The following TCOF1 variants were observed in gnomAD, a reference collection of about 807,000 sequenced individuals.
TCOF1 encodes treacle ribosome biogenesis factor 1, also known as treacle protein.
TCOF1 carries 33 observed loss-of-function variants against 149.0 expected under a neutral mutation model. That is an observed-to-expected ratio of 0.22 (90% CI 0.17 to 0.30). The LOEUF is 0.30. Ranked by LOEUF, TCOF1 falls within the 10% of genes least tolerant of loss-of-function variation. The probability of loss-of-function intolerance (pLI) is 1.00; values close to 1 mark genes in which losing one functional copy is unlikely to be tolerated. For synonymous variants in TCOF1, 789 were observed against 738.8 expected, an observed-to-expected ratio of 1.07 and a Z score of -1.10; for missense variants, 1,728 against 1,840.7, an observed-to-expected ratio of 0.94 and a Z score of 1.12.
Position 150,397,528 on chromosome 5 carries a change from T to C in TCOF1, c.4345+686T>C, listed in dbSNP as rs1768831509. ...AAATGAGACTCAGCAGGTAGAAAAC[T>C]GCGGCTCGGGCTCGGAGAAGTAGAG... On this transcript the variant is annotated intron_variant, in intron 24 of 26. Transcript: ENST00000643257. Among the ~76,000 whole-genome samples, 3 of 152,158 alleles carry C rather than the reference T, an allele frequency of 2.0e-5. 1 individual carries two copies. The South Asian group carries it at 6.2e-4, about 32-fold the overall frequency.
chr5:150,361,083 G>C, intron 1 of TCOF1, 73 bp from the exon 2 acceptor site: 1 of 1,597,860 alleles, frequency 6.3e-7, no homozygotes. Context: ...CATGAGTTTG[G>C]GGAGATCTGG....
At chr5:150,383,817 A>C (rs992446966) in intron 17 of TCOF1, 23 of 1,551,476 alleles carry the variant, frequency 1.5e-5, no homozygotes, top group Admixed American at 2.0e-5. Context: ...CATGTGCTCC[A>C]CTGCACCCAG....
Position 150,376,225 on chromosome 5 carries a change from C to T in TCOF1, c.2037C>T (p.Ser679=). 1 of 1,614,242 alleles carries T rather than the reference C, an allele frequency of 6.2e-7. No homozygotes were observed. The highest frequency in any genetic ancestry group is 1.6e-4 in the Middle Eastern group (1 of 6,062). Residue 679 remains serine, a synonymous_variant, in exon 13 of 27, where the codon TCC becomes TCT. Coordinates refer to ENST00000643257, the MANE Select transcript of TCOF1 (RefSeq NM_001371623.1). ...AGTATSPAGS[S]PAVAGGTQRP... The stretch of plus-strand genomic sequence containing the variant: ...CTGCGACTTCTCCAGCAGGCTCATC[C>T]CCAGCTGTGGCTGGGGGCACCCAGA...
Position 150,376,475 on chromosome 5 carries a change from A to G in TCOF1, c.2195A>G (p.Lys732Arg). ...GTGAAAGCAGCCTCAGTGCCTGTCA[A>G]GGGGTCCTTGGGGCAAGGGACTGCT... ...LQVKAASVPV[K>R]GSLGQGTAPV... The change falls in exon 14 of 27, where the codon AAG (lysine) becomes AGG (arginine). Residue 732 changes from lysine (K) to arginine (R), a missense_variant. By Grantham distance (26) the Lys-to-Arg change is conservative. Transcript: ENST00000643257. 1 of 1,614,178 alleles carries G rather than the reference A, an allele frequency of 6.2e-7. No homozygotes were observed. The highest frequency in any genetic ancestry group is 2.2e-5 in the East Asian group (1 of 44,878).
chr5:150,378,776 G>A, intron 14 of TCOF1, 129 bp from the exon 15 acceptor site: 1 of 1,349,186 alleles, frequency 7.4e-7, no homozygotes, highest in Non-Finnish European at 1.1e-6. Context: ...GATGAGCTCA[G>A]GTTCACACGC....
intron 17 of TCOF1, among the ~76,000 whole-genome samples, chr5:150,386,645 CTT>C (rs1038373100): frequency 1.2e-4 from 19 of 152,254 alleles, no homozygotes; most frequent in African/African-American, 4.3e-4. Context: ...CCACTCCTCT[CTT>C]AGCCTCAGGC....
chr5:150,375,809 A>G lies in TCOF1; in HGVS notation c.1793A>G (p.Gln598Arg). The G allele has an allele frequency of 6.2e-7, 1 of 1,614,188 alleles. No homozygotes were observed. Among genetic ancestry groups the G allele is most frequent in the Admixed American group, 1.7e-5 (1 of 60,028 alleles). ...PPQKAGPVAV[Q>R]VKAEKPMDNS... is the part of the protein sequence containing the mutation. ...CAGAAGGCAGGGCCTGTAGCCGTCC[A>G]GGTCAAGGCTGAAAAGCCCATGGAC... Residue 598 changes from glutamine to arginine, a missense_variant, in exon 12 of 27, where the codon CAG (glutamine) becomes CGG (arginine). By Grantham distance (43) the Gln-to-Arg change is conservative (BLOSUM62 1). This residue lies in a region of TCOF1 where 1,696 missense variants were observed against 1,765.4 expected (regional missense o/e 0.96). Coordinates refer to ENST00000643257, the MANE Select transcript of TCOF1 (RefSeq NM_001371623.1).
chr5:150,364,343 G>C, intron 3 of TCOF1, 91 bp downstream of exon 3: 9 of 1,572,236 alleles, frequency 5.7e-6, no homozygotes, highest in Non-Finnish European at 7.8e-6. Context: ...ATCACTAGAA[G>C]ACCTAAAAGA....
chr5:150,379,142 C>A, intron 15 of TCOF1, 87 bp from the exon 16 acceptor site: 1 of 1,613,866 alleles, frequency 6.2e-7, no homozygotes, highest in Non-Finnish European at 8.5e-7. Flanking sequence ...ATGGGCAGGC[C>A]ACCCACCCAG....
At chr5:150,390,152 C>A in intron 19 of TCOF1, 129 bp downstream of exon 19, 1 of 1,424,580 alleles carries the variant, frequency 7.0e-7, no homozygotes. Context: ...CGTGGCCTCA[C>A]AGCCAGAGGC....
Position 150,389,924 on chromosome 5 carries a change from C to T in TCOF1, c.3084C>T (p.His1028=), listed in dbSNP as rs2151010757. The T allele has an allele frequency of 1.2e-6, 2 of 1,614,236 alleles. No homozygotes were observed. The highest frequency in any genetic ancestry group is 1.1e-5 in the South Asian group (1 of 91,086). ...ATGTGGTGACCATGCCCACTGCCCA[C>T]CCAAGAATAGCCCCCAAAGCCAGCA... is the stretch of plus-strand genomic sequence containing the variant. ...RTNVVTMPTA[H]PRIAPKASMA... Residue 1028 remains histidine, a synonymous_variant, in exon 19 of 27, where the codon CAC becomes CAT. Coordinates refer to ENST00000643257, the MANE Select transcript of TCOF1 (RefSeq NM_001371623.1).
intron 5 of TCOF1, 109 bp downstream of exon 5, chr5:150,369,011 C>T: frequency 7.3e-7 from 1 of 1,364,590 alleles, no homozygotes; most frequent in South Asian, 1.2e-5. Flanking sequence ...AAGTTTGTCT[C>T]CAGGACAGCC....
intron 7 of TCOF1, among the ~76,000 whole-genome samples, 175 bp from the exon 8 acceptor site, chr5:150,373,999 C>G (rs1415518711): frequency 6.6e-6 from 1 of 151,930 alleles, no homozygotes; most frequent in Non-Finnish European, 1.5e-5. Context: ...TGAAGCTGAT[C>G]GATTTTTGAG....
At chr5:150,369,461 A>G (rs1762058378) in intron 5 of TCOF1, 68 bp from the exon 6 acceptor site, 12 of 1,576,866 alleles carry the variant, frequency 7.6e-6, no homozygotes, top group Non-Finnish European at 1.0e-5. Flanking sequence ...GTTTGTGGGG[A>G]GGTGCTGGGG....
chr5:150,384,921 G>A (rs1477242639), intron 17 of TCOF1: 1 of 985,404 alleles, frequency 1.0e-6, no homozygotes, highest in Non-Finnish European at 1.2e-6. Context: ...CCAGGGTGGT[G>A]GGCAGAGTCC....
At chr5:150,384,257 C>T (rs1315012958) in intron 17 of TCOF1, 107 of 990,644 alleles carry the variant, frequency 1.1e-4, no homozygotes, top group Non-Finnish European at 1.3e-4. Flanking sequence ...CCACCAACAT[C>T]GGTAACTCCC....
At chr5:150,365,132 A>T (rs1262108992) in intron 3 of TCOF1, 1 of 151,866 alleles carries the variant, frequency 6.6e-6, no homozygotes. Context: ...GCGTGATGTC[A>T]GCTCAGGGCA....
chr5:150,375,999 A>G, intron 12 of TCOF1, 83 bp from the exon 13 acceptor site: 1 of 1,613,786 alleles, frequency 6.2e-7, no homozygotes, highest in Non-Finnish European at 8.5e-7. Flanking sequence ...CAGGCAGAGC[A>G]TGGGTTTTGG....
At chr5:150,377,536 G>A (rs141471288) in intron 14 of TCOF1, among the ~76,000 whole-genome samples, 62 of 152,246 alleles carry the variant, frequency 4.1e-4, no homozygotes, top group African/African-American at 1.4e-3. Context: ...GTTTTTTTCT[G>A]TAACCACTCA....
Sources: allele counts gnomAD v4.1 joint callset (sites outside exome capture counted in the v4.1 genomes callset), GRCh38; gene constraint gnomAD v4.1.1; regional missense constraint gnomAD v4.1.1; transcripts MANE v1.5; gene names NCBI Gene and HGNC (gene_info 2026-07-23, HGNC 2026-07-21).